The following RFC3 variants were observed in gnomAD, a reference collection of about 807,000 sequenced individuals.
The protein encoded by RFC3 is replication factor C subunit 3, also known as A1 38 kDa subunit.
In RFC3, 41 loss-of-function variants were observed where a neutral mutation model predicts 45.1. The observed-to-expected ratio is 0.91, with a 90% CI of 0.71 to 1.18. The LOEUF (loss-of-function observed/expected upper bound fraction) is 1.18, where lower values mean the gene tolerates loss of function less well. Among genes scored for constraint, RFC3 ranks in the 50% most tolerant of loss-of-function variants. The pLI is 0.00. For synonymous variants in RFC3, 149 were observed against 144.0 expected (o/e 1.03, Z -0.25); for missense variants, 423 against 428.1 (o/e 0.99, Z 0.10).
chr13:33,912,562 C>G (rs556416696), intron 8 of RFC3, among the ~76,000 whole-genome samples: 1 of 152,092 alleles, frequency 6.6e-6, no homozygotes, highest in Admixed American at 6.6e-5. Context: ...GAGGCTGTAA[C>G]TGAGGAATCA....
At chr13:33,853,369 G>A (rs566168922) in intron 8 of RFC3, among the ~76,000 whole-genome samples, 13 of 151,862 alleles carry the variant, frequency 8.6e-5, no homozygotes, top group African/African-American at 7.2e-5. Flanking sequence ...TTATTAGAAA[G>A]AAATTGCTAT....
At chr13:33,899,063 T>A (rs1202855448) in intron 8 of RFC3, among the ~76,000 whole-genome samples, 1 of 151,424 alleles carries the variant, frequency 6.6e-6, no homozygotes, top group East Asian at 1.9e-4. Flanking sequence ...ACTGCTGGAT[T>A]CTACCAAACA....
intron 4 of RFC3, among the ~76,000 whole-genome samples, chr13:33,828,561 TCTCA>T (rs2082072954): frequency 1.3e-5 from 2 of 152,206 alleles, no homozygotes; most frequent in East Asian, 3.8e-4. Flanking sequence ...TGAGACAGTG[TCTCA>T]CTGTGTGGCA....
intron 8 of RFC3, among the ~76,000 whole-genome samples, chr13:33,933,542 T>C (rs918829407): frequency 1.3e-5 from 2 of 152,150 alleles, no homozygotes; most frequent in African/African-American, 4.8e-5. Context: ...TAATAGTAGG[T>C]TAGATTCTCA....
intron 8 of RFC3, among the ~76,000 whole-genome samples, chr13:33,907,100 G>A (rs182874474): frequency 2.6e-5 from 4 of 152,122 alleles, no homozygotes; most frequent in East Asian, 3.9e-4. Flanking sequence ...CTGGGATTAC[G>A]TACATGAGCC....
At chr13:33,841,514 A>G (rs2082198385), downstream of RFC3, among the ~76,000 whole-genome samples, 1 of 152,168 alleles carries the variant, frequency 6.6e-6, no homozygotes, top group Non-Finnish European at 1.5e-5. Context: ...TTTCTCTTCC[A>G]TATCACTCAA....
At chr13:33,840,609 A>T (rs2082190865), downstream of RFC3, among the ~76,000 whole-genome samples, 1 of 149,678 alleles carries the variant, frequency 6.7e-6, no homozygotes, top group Admixed American at 6.6e-5. Flanking sequence ...TTTTTTTTTA[A>T]CTGTTGGACT....
chr13:33,836,416 T>C lies in RFC3; in HGVS notation c.*121T>C. ...TGTCGTATTTGCGTTTTTTTGGTAA[T>C]AACTTCTCTGTGAACTATTAATCAT... On this transcript the variant is annotated 3_prime_UTR_variant, in exon 9 of 9. Transcript: ENST00000380071. 3.4e-6 allele frequency: 5 copies of C among 1,488,530 alleles called. No homozygotes were observed. The South Asian group carries it at 5.6e-5, about 17-fold the overall frequency. 92.2% of individuals were successfully genotyped at this position (1,488,530 alleles called of 1,614,324 possible).
intron 8 of RFC3, among the ~76,000 whole-genome samples, chr13:33,931,353 G>A (rs1366836458): frequency 1.3e-5 from 2 of 152,034 alleles, no homozygotes; most frequent in African/African-American, 2.4e-5. Flanking sequence ...CACAGGAGCG[G>A]GTCCCCACCC....
chr13:33,835,968 A>AT, intron 8 of RFC3, 136 bp from the exon 9 acceptor site: 1 of 954,626 alleles, frequency 1.0e-6, no homozygotes, highest in Non-Finnish European at 1.5e-6. Flanking sequence ...AAGGTCGTTG[A>AT]TTCACATAAA....
At chr13:33,931,401 C>T (rs566844639) in intron 8 of RFC3, among the ~76,000 whole-genome samples, 19 of 152,172 alleles carry the variant, frequency 1.2e-4, no homozygotes, top group Admixed American at 3.9e-4. Flanking sequence ...GTGTGGATAC[C>T]GTGATGCTGA....
intron 8 of RFC3, among the ~76,000 whole-genome samples, chr13:33,930,906 C>G (rs1429635213): frequency 6.6e-6 from 1 of 152,118 alleles, no homozygotes; most frequent in Non-Finnish European, 1.5e-5. Flanking sequence ...TGGTCACCAT[C>G]ATTTGGTATA....
intron 8 of RFC3, among the ~76,000 whole-genome samples, chr13:33,957,426 A>C (rs1384612985): frequency 6.6e-6 from 1 of 152,210 alleles, no homozygotes; most frequent in East Asian, 1.9e-4. Context: ...ATGGCAATGC[A>C]AAATAAAACA....
intron 8 of RFC3, among the ~76,000 whole-genome samples, chr13:33,904,236 G>A (rs986993788): frequency 6.6e-6 from 1 of 151,962 alleles, no homozygotes; most frequent in Admixed American, 6.6e-5. Context: ...ATGGATGACT[G>A]CATCTTCTTC....
intron 8 of RFC3, among the ~76,000 whole-genome samples, chr13:33,941,678 A>G (rs1299754816): frequency 1.3e-5 from 2 of 150,994 alleles, no homozygotes; most frequent in Non-Finnish European, 3.0e-5. Context: ...AGATTTTTCT[A>G]TCTTTGGTGT....
chr13:33,835,508 G>C, intron 8 of RFC3: 1 of 581,450 alleles, frequency 1.7e-6, no homozygotes, highest in South Asian at 1.5e-5. Flanking sequence ...CCAAGGTGCA[G>C]GGATGATAAT....
chr13:33,837,858 G>A (rs907397665), downstream of RFC3, among the ~76,000 whole-genome samples: 1 of 151,714 alleles, frequency 6.6e-6, no homozygotes, highest in Non-Finnish European at 1.5e-5. Context: ...TACTGATTAA[G>A]CTTTTTAACA....
chr13:33,924,725 GTGTATATA>G (rs1389978852), intron 8 of RFC3, among the ~76,000 whole-genome samples: 198 of 132,140 alleles, frequency 1.5e-3, no homozygotes, highest in African/African-American at 5.9e-3. Flanking sequence ...GTGTGTGTGT[GTGTATATA>G]TATATATATA....
intron 8 of RFC3, among the ~76,000 whole-genome samples, chr13:33,930,603 G>T (rs182597187): frequency 5.9e-5 from 9 of 152,068 alleles, no homozygotes; most frequent in Admixed American, 5.9e-4. Context: ...ACACCCTCGC[G>T]GACACACCCA....
Sources: allele counts gnomAD v4.1 joint callset (sites outside exome capture counted in the v4.1 genomes callset), GRCh38; gene constraint gnomAD v4.1.1; transcripts MANE v1.5; gene names NCBI Gene and HGNC (gene_info 2026-07-23, HGNC 2026-07-21).